Variants in BMPR2 observed in about 807,000 individuals in gnomAD.
BMPR2 encodes the protein bone morphogenetic protein receptor type 2.
BMPR2 carries 29 observed loss-of-function variants against 100.8 expected under a neutral mutation model. The observed-to-expected ratio is 0.29, with a 90% CI of 0.21 to 0.39. The LOEUF (loss-of-function observed/expected upper bound fraction) is 0.39. Ranked by LOEUF, BMPR2 falls within the 10% of genes least tolerant of loss-of-function variation. BMPR2 has a pLI of 1.00. For synonymous variants in BMPR2, 382 were observed against 442.3 expected (o/e 0.86, Z 1.71); for missense variants, 1,011 against 1,274.5 (o/e 0.79, Z 3.15).
At chr2:202,533,620 C>G (rs1000165970) in intron 9 of BMPR2, among the ~76,000 whole-genome samples, 1 of 152,106 alleles carries the variant, frequency 6.6e-6, no homozygotes, top group African/African-American at 2.4e-5. Flanking sequence ...GTCAGAAGTT[C>G]GAGACCAGCC....
intron 1 of BMPR2, among the ~76,000 whole-genome samples, chr2:202,433,867 G>A (rs546783574): frequency 6.7e-6 from 1 of 150,226 alleles, no homozygotes; most frequent in African/African-American, 2.5e-5. Context: ...AAGATCGCAC[G>A]ACTACACTCC....
chr2:202,508,051 A>T (rs1687557924), intron 3 of BMPR2, among the ~76,000 whole-genome samples: 1 of 147,110 alleles, frequency 6.8e-6, no homozygotes, highest in South Asian at 2.2e-4. Flanking sequence ...TATCTTATCT[A>T]AAAAGCTGTC....
At chr2:202,469,783 C>T (rs1457063303) in intron 3 of BMPR2, among the ~76,000 whole-genome samples, 1 of 151,934 alleles carries the variant, frequency 6.6e-6, no homozygotes, top group African/African-American at 2.4e-5. Flanking sequence ...GCGCCCGGCC[C>T]CAATTGTATT....
intron 1 of BMPR2, among the ~76,000 whole-genome samples, chr2:202,393,403 G>C (rs1444308068): frequency 6.6e-6 from 1 of 152,134 alleles, no homozygotes; most frequent in African/African-American, 2.4e-5. Context: ...ATCTATACTG[G>C]AGTAGGCTCC....
intron 1 of BMPR2, among the ~76,000 whole-genome samples, chr2:202,428,946 C>T (rs1385021616): frequency 6.6e-6 from 1 of 152,108 alleles, no homozygotes; most frequent in African/African-American, 2.4e-5. Flanking sequence ...AGGGTTCTTG[C>T]ACCTTGTAAG....
chr2:202,545,654 A>G (rs1358618477), intron 10 of BMPR2, among the ~76,000 whole-genome samples: 1 of 152,230 alleles, frequency 6.6e-6, no homozygotes, highest in East Asian at 1.9e-4. Flanking sequence ...GTTTCCATAC[A>G]GATTTAGAAT....
In BMPR2 at chr2:202,559,720, A is replaced by G. The variant is rs1224420671; in HGVS notation, c.2891A>G (p.Lys964Arg). ...IQIGESTQDG[K>R]SGSGEKIKKR... The stretch of plus-strand genomic sequence containing the variant: ...GTAGGTGAGTCAACACAAGATGGCA[A>G]ATCAGGATCAGGTGAAAAGATCAAG... Residue 964 changes from lysine to arginine, a missense_variant, in exon 13 of 13, where the codon AAA becomes AGA. Physicochemically the swap from Lys to Arg is conservative, Grantham distance 26 (BLOSUM62 2). Transcript: ENST00000374580. 2.5e-6 allele frequency: 4 copies of G among 1,614,128 alleles called. No individual in the cohort carries two copies. The highest frequency in any genetic ancestry group is 2.2e-5 in the East Asian group (1 of 44,882).
chr2:202,518,650 G>C (rs1336191245), intron 5 of BMPR2, among the ~76,000 whole-genome samples, 172 bp from the exon 6 acceptor site: 1 of 151,976 alleles, frequency 6.6e-6, no homozygotes, highest in Non-Finnish European at 1.5e-5. Context: ...GCTGGGTCTG[G>C]TAGGAGCTTC....
intron 6 of BMPR2, among the ~76,000 whole-genome samples, chr2:202,519,287 C>T (rs935484733): frequency 6.6e-5 from 10 of 152,272 alleles, no homozygotes; most frequent in South Asian, 4.1e-4. Context: ...TGCTTGAACC[C>T]GGTAGGCGGA....
chr2:202,556,812 C>T (rs1163170330), intron 12 of BMPR2, among the ~76,000 whole-genome samples: 3 of 149,740 alleles, frequency 2.0e-5, no homozygotes, highest in Admixed American at 6.7e-5. Context: ...AGGCCAGGCG[C>T]GGTGGCTCAC....
At chr2:202,419,804 A>G (rs1427516634) in intron 1 of BMPR2, among the ~76,000 whole-genome samples, 2 of 152,186 alleles carry the variant, frequency 1.3e-5, no homozygotes, top group Admixed American at 6.6e-5. Context: ...ACTACTCTTT[A>G]CAATGCTTTT....
At position 202,563,680 on chromosome 2, in the gene BMPR2, T is replaced by C. The variant is rs1422951404; in HGVS notation, c.*3734T>C. The C allele has an allele frequency of 2.0e-5, 3 of 152,216 alleles. No individual in the cohort carries two copies. Among genetic ancestry groups the C allele is most frequent in the Admixed American group, 1.3e-4 (2 of 15,284 alleles). The allele number at this position is 152,216 out of a possible 1,614,324, so 9.4% of individuals were successfully genotyped here. A position where few individuals can be genotyped will look rare whatever the true frequency, so the allele number is the denominator to read the frequency against. On this transcript the variant is annotated 3_prime_UTR_variant, in exon 13 of 13. Transcript: ENST00000374580. ...ATTTCTTACATTGCAGAACTAATGG[T>C]AAAGTAAATTTTACGGAAAAAGTTA...
intron 1 of BMPR2, among the ~76,000 whole-genome samples, chr2:202,384,362 G>C (rs1690371717): frequency 6.6e-6 from 1 of 152,134 alleles, no homozygotes; most frequent in African/African-American, 2.4e-5. Flanking sequence ...CGGTGGACTT[G>C]GTGGAAAAAT....
At chr2:202,488,034 T>G (rs1001951332) in intron 3 of BMPR2, among the ~76,000 whole-genome samples, 2 of 152,192 alleles carry the variant, frequency 1.3e-5, no homozygotes, top group Non-Finnish European at 2.9e-5. Context: ...TCCAGTATAA[T>G]CTTGTCATTA....
At position 202,377,383 on chromosome 2, in the gene BMPR2, C is replaced by T; in HGVS notation, c.-92C>T. Reference sequence around the variant, plus strand: ...TTGTGATACGGGCAGGATCAGTCCACGGGAGAGAAGACGAGCCTCCCGGCT... The same window carrying T: ...TTGTGATACGGGCAGGATCAGTCCATGGGAGAGAAGACGAGCCTCCCGGCT... On this transcript the variant is annotated 5_prime_UTR_variant, in exon 1 of 13. The change creates a new upstream start codon in the 5' untranslated region. Coordinates refer to ENST00000374580, the MANE Select transcript of BMPR2 (RefSeq NM_001204.7). 2 of 1,234,540 alleles carry T rather than the reference C, an allele frequency of 1.6e-6. No homozygotes were observed. Among genetic ancestry groups the T allele is most frequent in the Non-Finnish European group, 2.4e-6 (2 of 833,650 alleles). The allele number at this position is 1,234,540 out of a possible 1,614,324, so 76.5% of individuals were successfully genotyped here. A position where few individuals can be genotyped will look rare whatever the true frequency, so the allele number is the denominator to read the frequency against.
At chr2:202,380,911 G>GCCTGGCCCTGGC (rs57602681) in intron 1 of BMPR2, among the ~76,000 whole-genome samples, 2 of 140,808 alleles carry the variant, frequency 1.4e-5, no homozygotes, top group Admixed American at 7.2e-5. Flanking sequence ...GGGCCACTGT[G>GCCTGGCCCTGGC]CCTGGCCCTG....
At chr2:202,523,305 T>A (rs1030747876) in intron 7 of BMPR2, among the ~76,000 whole-genome samples, 2 of 152,222 alleles carry the variant, frequency 1.3e-5, no homozygotes, top group Admixed American at 1.3e-4. Flanking sequence ...GTTCAGCCAC[T>A]GTGGAAAGTA....
At chr2:202,550,170 C>T (rs1688450843) in intron 10 of BMPR2, among the ~76,000 whole-genome samples, 1 of 151,800 alleles carries the variant, frequency 6.6e-6, no homozygotes, top group Non-Finnish European at 1.5e-5. Flanking sequence ...GAGATCAAGA[C>T]CATCCTGGCC....
At chr2:202,473,198 C>T (rs970612231) in intron 3 of BMPR2, among the ~76,000 whole-genome samples, 1 of 152,078 alleles carries the variant, frequency 6.6e-6, no homozygotes, top group African/African-American at 2.4e-5. Flanking sequence ...CCTGTAATCC[C>T]AGCACTTTGG....
Sources: gnomAD v4.1 joint callset for allele counts (sites outside exome capture counted in the v4.1 genomes callset) on GRCh38, gnomAD v4.1.1 for gene constraint, MANE v1.5 for transcripts, NCBI Gene and HGNC (gene_info 2026-07-23, HGNC 2026-07-21) for gene names.